SLC4A4: variants seen among roughly 807,000 people sequenced by gnomAD.
The protein encoded by SLC4A4 is solute carrier family 4 member 4, also known as electrogenic sodium bicarbonate cotransporter 1.
Under a neutral mutation model 111.5 loss-of-function variants are expected in SLC4A4, and 27 were observed. The ratio of observed to expected loss-of-function variants is 0.24; its 90% confidence interval spans 0.18 to 0.33. The LOEUF is 0.33. SLC4A4 is among the 10% of genes least tolerant of loss of function. SLC4A4 has a pLI of 1.00. For missense variants in SLC4A4, 909 were observed against 1,315.5 expected (o/e 0.69, Z 4.78); for synonymous variants, 443 against 463.4 (o/e 0.96, Z 0.57).
intron 2 of SLC4A4, among the ~76,000 whole-genome samples, chr4:71,168,000 T>C (rs1488594645): frequency 6.6e-6 from 1 of 151,948 alleles, no homozygotes; most frequent in Non-Finnish European, 1.5e-5. Flanking sequence ...TGAAATTATT[T>C]ATTTGTTTTT....
At chr4:71,430,965 A>G (rs1197989308) in intron 7 of SLC4A4, among the ~76,000 whole-genome samples, 1 of 152,150 alleles carries the variant, frequency 6.6e-6, no homozygotes, top group African/African-American at 2.4e-5. Flanking sequence ...TGGCCTGGAT[A>G]GGATGTGTAG....
At chr4:71,075,283 T>C (rs1172644714) in intron 1 of SLC4A4, among the ~76,000 whole-genome samples, 1 of 152,208 alleles carries the variant, frequency 6.6e-6, no homozygotes, top group Admixed American at 6.5e-5. Flanking sequence ...TCTTCCTTCC[T>C]TGCTATTGTG....
chr4:71,453,453 T>C, intron 11 of SLC4A4, 42 bp from the exon 12 acceptor site: 2 of 1,574,828 alleles, frequency 1.3e-6, no homozygotes, highest in African/African-American at 1.3e-5. Flanking sequence ...TTGATGGTAA[T>C]TTACTTTACA....
At chr4:71,288,360 G>A (rs182259742) in intron 3 of SLC4A4, among the ~76,000 whole-genome samples, 2 of 151,928 alleles carry the variant, frequency 1.3e-5, no homozygotes, top group Non-Finnish European at 1.5e-5. Flanking sequence ...AGCACTTGAT[G>A]GTCTAGCCTG....
At chr4:71,324,515 T>C (rs1476325055) in intron 3 of SLC4A4, among the ~76,000 whole-genome samples, 1 of 152,006 alleles carries the variant, frequency 6.6e-6, no homozygotes, top group Non-Finnish European at 1.5e-5. Context: ...TGTACCATCA[T>C]TGAGACTACC....
chr4:71,179,359 A>T (rs55862087), intron 2 of SLC4A4, among the ~76,000 whole-genome samples: 1 of 152,156 alleles, frequency 6.6e-6, no homozygotes, highest in African/African-American at 2.4e-5. Flanking sequence ...GGCCAGGGCA[A>T]TCAGGCAGAA....
intron 2 of SLC4A4, among the ~76,000 whole-genome samples, chr4:71,239,726 A>G (rs1720057124): frequency 6.6e-6 from 1 of 152,210 alleles, no homozygotes; most frequent in Non-Finnish European, 1.5e-5. Context: ...AATGGCTTAA[A>G]GAGATACTCT....
chr4:71,080,365 C>A (rs1560707869), intron 1 of SLC4A4, among the ~76,000 whole-genome samples: 1 of 152,020 alleles, frequency 6.6e-6, no homozygotes, highest in Non-Finnish European at 1.5e-5. Context: ...CCCCTTAAGC[C>A]AGAGGCAGAT....
intron 1 of SLC4A4, among the ~76,000 whole-genome samples, chr4:71,218,270 C>CTTTTT (rs1718548889): frequency 2.0e-5 from 3 of 152,056 alleles, no homozygotes; most frequent in Non-Finnish European, 4.4e-5. Context: ...AGACAACATG[C>CTTTTT]GTATGTAATT....
chr4:71,342,956 C>T (rs928720316), intron 4 of SLC4A4, among the ~76,000 whole-genome samples: 3 of 152,124 alleles, frequency 2.0e-5, no homozygotes, highest in East Asian at 1.9e-4. Context: ...GTCACGTCCA[C>T]GCTGTATAAC....
intron 6 of SLC4A4, among the ~76,000 whole-genome samples, chr4:71,368,188 TG>T (rs1731500195): frequency 6.6e-6 from 1 of 152,196 alleles, no homozygotes; most frequent in South Asian, 2.1e-4. Flanking sequence ...GGAGCCCAAA[TG>T]AAACTATCTT....
At chr4:71,259,641 T>A (rs1039112389) in intron 3 of SLC4A4, among the ~76,000 whole-genome samples, 3 of 152,060 alleles carry the variant, frequency 2.0e-5, no homozygotes, top group African/African-American at 7.2e-5. Flanking sequence ...ACTGTGCATT[T>A]TTTTTTTCTA....
At chr4:71,066,420 G>T (rs543175489) in intron 1 of SLC4A4, among the ~76,000 whole-genome samples, 28 of 152,002 alleles carry the variant, frequency 1.8e-4, no homozygotes, top group Non-Finnish European at 3.8e-4. Flanking sequence ...TGATATTCTG[G>T]TTCAAGGTGC....
chr4:71,330,529 A>G (rs1578850505), intron 3 of SLC4A4, among the ~76,000 whole-genome samples: 2 of 152,226 alleles, frequency 1.3e-5, no homozygotes, highest in South Asian at 2.1e-4. Context: ...TTGGCTAGCC[A>G]TATGTAGAAA....
At chr4:71,147,442 C>G (rs1388488760) in intron 2 of SLC4A4, among the ~76,000 whole-genome samples, 1 of 152,072 alleles carries the variant, frequency 6.6e-6, no homozygotes. Context: ...GAGATGAATT[C>G]CAAAATCAAC....
chr4:71,553,248 C>T (rs1736190640), intron 20 of SLC4A4, among the ~76,000 whole-genome samples: 2 of 151,870 alleles, frequency 1.3e-5, no homozygotes, highest in African/African-American at 4.8e-5. Flanking sequence ...TTTCTACCCA[C>T]AACCCATGCC....
intron 6 of SLC4A4, among the ~76,000 whole-genome samples, chr4:71,375,368 A>G (rs150506255): frequency 1.3e-5 from 2 of 152,314 alleles, no homozygotes; most frequent in East Asian, 1.9e-4. Context: ...GCCTTTATCT[A>G]TACTACATTT....
rs1352843519 is a variant in SLC4A4 at position 71,517,451 on chromosome 4, T to C, written c.2167-14611T>C. ...TTCTATTTGTTTTTCTTTTAATAATTTCATTTAAAATTTTGAATGTAAGTA... is the reference window on the plus strand; with the variant it reads ...TTCTATTTGTTTTTCTTTTAATAATCTCATTTAAAATTTTGAATGTAAGTA... On this transcript the variant is annotated intron_variant, in intron 16 of 25. Coordinates refer to ENST00000264485, the MANE Select transcript of SLC4A4 (RefSeq NM_001098484.3). 3.9e-5 allele frequency among the ~76,000 whole-genome samples: 6 copies of C among 152,228 alleles called. No individual in the cohort carries two copies. The East Asian group carries it at 7.7e-4, about 20-fold the overall frequency.
chr4:71,341,639 AT>A (rs1215907303), intron 4 of SLC4A4, among the ~76,000 whole-genome samples: 1 of 152,050 alleles, frequency 6.6e-6, no homozygotes, highest in Non-Finnish European at 1.5e-5. Context: ...AGTTAATTGG[AT>A]TTTTTGTAGT....
Sources: allele counts gnomAD v4.1 joint callset (sites outside exome capture counted in the v4.1 genomes callset), GRCh38; gene constraint gnomAD v4.1.1; transcripts MANE v1.5; gene names NCBI Gene and HGNC (gene_info 2026-07-23, HGNC 2026-07-21).